The following AUTS2 variants were observed in gnomAD, a reference collection of about 807,000 sequenced individuals.
The protein encoded by AUTS2 is activator of transcription and developmental regulator AUTS2.
AUTS2 carries 17 observed loss-of-function variants against 112.4 expected under a neutral mutation model. The observed-to-expected ratio is 0.15, with a 90% confidence interval of 0.10 to 0.23. AUTS2 has a LOEUF of 0.23. Ranked by LOEUF, AUTS2 falls within the 10% of genes least tolerant of loss-of-function variation. AUTS2 has a pLI of 1.00. For synonymous variants in AUTS2, 751 were observed against 702.7 expected (o/e 1.07, Z -1.09); for missense variants, 1,510 against 1,701.6 (o/e 0.89, Z 1.98).
At chr7:70,338,845 T>TC (rs1791118491) in intron 4 of AUTS2, among the ~76,000 whole-genome samples, 2 of 144,798 alleles carry the variant, frequency 1.4e-5, no homozygotes, top group Admixed American at 1.4e-4. Flanking sequence ...TATTTATTTA[T>TC]TTATTTATTT....
chr7:70,395,207 A>T (rs938814720), intron 4 of AUTS2, among the ~76,000 whole-genome samples: 2 of 151,660 alleles, frequency 1.3e-5, no homozygotes, highest in African/African-American at 4.8e-5. Context: ...CTGGATTGAT[A>T]ATCACTATTC....
intron 2 of AUTS2, among the ~76,000 whole-genome samples, chr7:70,003,173 T>C (rs1436353111): frequency 8.1e-6 from 1 of 122,936 alleles, no homozygotes; most frequent in Non-Finnish European, 1.6e-5. Context: ...TCATATATAT[T>C]ATATGAATAT....
At chr7:70,486,586 A>G (rs1180433944) in intron 5 of AUTS2, among the ~76,000 whole-genome samples, 1 of 152,066 alleles carries the variant, frequency 6.6e-6, no homozygotes, top group African/African-American at 2.4e-5. Context: ...AAAACAAAAA[A>G]CAAAAACAAA....
chr7:70,351,647 G>C (rs1032016000), intron 4 of AUTS2, among the ~76,000 whole-genome samples: 1 of 152,104 alleles, frequency 6.6e-6, no homozygotes, highest in African/African-American at 2.4e-5. Flanking sequence ...CAGTATACAA[G>C]TACCTTTTTC....
intron 6 of AUTS2, among the ~76,000 whole-genome samples, chr7:70,760,878 G>A (rs2129556669): frequency 6.6e-6 from 1 of 152,354 alleles, no homozygotes; most frequent in Non-Finnish European, 1.5e-5. Flanking sequence ...CAAGTGCTCG[G>A]TCTTTTCATA....
chr7:70,593,990 T>G (rs1269104110), intron 5 of AUTS2, among the ~76,000 whole-genome samples: 1 of 152,214 alleles, frequency 6.6e-6, no homozygotes, highest in African/African-American at 2.4e-5. Context: ...CAAAATAATG[T>G]GGGCTGCACA....
At chr7:69,934,488 A>G (rs903738847) in intron 2 of AUTS2, among the ~76,000 whole-genome samples, 1 of 152,152 alleles carries the variant, frequency 6.6e-6, no homozygotes, top group Admixed American at 6.5e-5. Flanking sequence ...AATTATCCTG[A>G]TGAAAGGGCA....
In AUTS2 at chr7:70,445,746, T is replaced by C. The variant is rs545723478; in HGVS notation, c.690+9965T>C. 8.5e-5 allele frequency among the ~76,000 whole-genome samples: 13 copies of C among 152,336 alleles called. No individual in the cohort carries two copies. In the East Asian group the frequency reaches 2.5e-3, roughly 29 times the overall value. On this transcript the variant is annotated intron_variant, in intron 5 of 18. Transcript: ENST00000342771. ...AGAACTCAGTCTTCCTTTAAGTGTCTGTATATGTGTAAACATTTAATATTT... is the reference window on the plus strand; with the variant it reads ...AGAACTCAGTCTTCCTTTAAGTGTCCGTATATGTGTAAACATTTAATATTT...
chr7:70,394,528 C>A (rs995568731), intron 4 of AUTS2, among the ~76,000 whole-genome samples: 1 of 152,178 alleles, frequency 6.6e-6, no homozygotes, highest in Non-Finnish European at 1.5e-5. Flanking sequence ...TAGATATCAG[C>A]AAACATGAGA....
At chr7:69,685,622 C>A (rs978163665) in intron 1 of AUTS2, among the ~76,000 whole-genome samples, 35 of 152,008 alleles carry the variant, frequency 2.3e-4, no homozygotes, top group African/African-American at 8.0e-4. Context: ...AGATGATTTT[C>A]AGACAAAAGG....
At chr7:69,782,973 C>T (rs1789205634) in intron 1 of AUTS2, among the ~76,000 whole-genome samples, 1 of 152,038 alleles carries the variant, frequency 6.6e-6, no homozygotes, top group South Asian at 2.1e-4. Context: ...CTGGGCTTTA[C>T]CTCTTACTCG....
intron 2 of AUTS2, among the ~76,000 whole-genome samples, chr7:70,080,065 G>T (rs1584688697): frequency 6.6e-6 from 1 of 151,930 alleles, no homozygotes; most frequent in Non-Finnish European, 1.5e-5. Flanking sequence ...TGCACTTGGG[G>T]TTAAGTTTGC....
chr7:69,623,823 C>T (rs530187519), intron 1 of AUTS2, among the ~76,000 whole-genome samples: 9 of 152,214 alleles, frequency 5.9e-5, no homozygotes, highest in Admixed American at 5.9e-4. Context: ...AGTGAATACC[C>T]AGGTAACCAG....
chr7:70,338,348 A>G (rs1478357895), intron 4 of AUTS2, among the ~76,000 whole-genome samples: 1 of 152,224 alleles, frequency 6.6e-6, no homozygotes, highest in African/African-American at 2.4e-5. Context: ...TACATGTTGG[A>G]GGATTAACTA....
intron 2 of AUTS2, among the ~76,000 whole-genome samples, chr7:70,084,085 AC>A (rs1207076455): frequency 1.3e-5 from 2 of 152,176 alleles, no homozygotes; most frequent in Admixed American, 6.5e-5. Context: ...AACAAAAAAA[AC>A]AAAAAACAAA....
At chr7:70,176,768 A>G (rs1384683034) in intron 4 of AUTS2, among the ~76,000 whole-genome samples, 1 of 152,164 alleles carries the variant, frequency 6.6e-6, no homozygotes, top group Admixed American at 6.5e-5. Flanking sequence ...ATATAATTGA[A>G]TCTCTCTCTG....
At chr7:70,547,331 T>C (rs1160446877) in intron 5 of AUTS2, among the ~76,000 whole-genome samples, 1 of 152,224 alleles carries the variant, frequency 6.6e-6, no homozygotes, top group East Asian at 1.9e-4. Flanking sequence ...CTCGGCTCAC[T>C]GCAACCTCCG....
At chr7:70,081,289 G>A (rs946232427) in intron 2 of AUTS2, among the ~76,000 whole-genome samples, 1 of 151,386 alleles carries the variant, frequency 6.6e-6, no homozygotes, top group Admixed American at 6.6e-5. Flanking sequence ...CGCTGGTCAT[G>A]CCTGTAATCC....
At chr7:69,853,993 A>T (rs1472737657) in intron 1 of AUTS2, among the ~76,000 whole-genome samples, 3 of 152,148 alleles carry the variant, frequency 2.0e-5, no homozygotes, top group African/African-American at 7.2e-5. Flanking sequence ...AGATTTTATG[A>T]GGTTCCCTTA....
Sources: allele counts gnomAD v4.1 joint callset (sites outside exome capture counted in the v4.1 genomes callset), GRCh38; gene constraint gnomAD v4.1.1; transcripts MANE v1.5; gene names NCBI Gene and HGNC (gene_info 2026-07-23, HGNC 2026-07-21).